The following ST8SIA6 variants were observed in gnomAD, a reference collection of about 807,000 sequenced individuals.
ST8SIA6 encodes the protein ST8 alpha-N-acetyl-neuraminide alpha-2,8-sialyltransferase 6, also known as alpha-2,8-sialyltransferase 8F.
Under a neutral mutation model 33.6 loss-of-function variants are expected in ST8SIA6, and 39 were observed. The observed-to-expected ratio is 1.16, with a 90% confidence interval of 0.90 to 1.52. ST8SIA6 has a LOEUF of 1.52. Ranked by LOEUF, ST8SIA6 falls within the 40% of genes most tolerant of loss-of-function variation. ST8SIA6 has a pLI of 0.00. For missense variants in ST8SIA6, 441 were observed against 443.8 expected, an observed-to-expected ratio of 0.99 and a Z score of 0.06; for synonymous variants, 172 against 167.2, an observed-to-expected ratio of 1.03 and a Z score of -0.22.
intron 2 of ST8SIA6, among the ~76,000 whole-genome samples, chr10:17,413,086 C>T (rs1851503874): frequency 6.6e-6 from 1 of 152,142 alleles, no homozygotes; most frequent in Admixed American, 6.5e-5. Context: ...TCAGTGTTTA[C>T]ACAGTGCTAG....
At chr10:17,448,764 C>T (rs187022816) in intron 2 of ST8SIA6, among the ~76,000 whole-genome samples, 4,033 of 150,920 alleles carry the variant, frequency 0.027, 61 homozygotes, top group South Asian at 0.052. Flanking sequence ...TACAGGTGCC[C>T]GCCACCACGC....
chr10:17,329,843 C>T (rs1025316224), intron 5 of ST8SIA6, among the ~76,000 whole-genome samples: 1 of 152,210 alleles, frequency 6.6e-6, no homozygotes, highest in African/African-American at 2.4e-5. Context: ...ACTGCCTGCT[C>T]ATTGCCCACT....
chr10:17,393,561 G>C (rs569923771), intron 2 of ST8SIA6, among the ~76,000 whole-genome samples: 1 of 152,262 alleles, frequency 6.6e-6, no homozygotes, highest in South Asian at 2.1e-4. Context: ...ATTGCAACGT[G>C]GGAGTCAGAA....
chr10:17,381,546 A>C (rs2131644625), intron 3 of ST8SIA6, among the ~76,000 whole-genome samples: 1 of 152,386 alleles, frequency 6.6e-6, no homozygotes, highest in African/African-American at 2.4e-5. Context: ...ATATAACTTA[A>C]GTAAAATCTT....
intron 2 of ST8SIA6, among the ~76,000 whole-genome samples, chr10:17,448,224 A>G (rs1324073901): frequency 6.6e-6 from 1 of 152,222 alleles, no homozygotes; most frequent in African/African-American, 2.4e-5. Flanking sequence ...GCGAACCTCT[A>G]TAGGAAAACA....
intron 3 of ST8SIA6, among the ~76,000 whole-genome samples, chr10:17,372,261 G>T (rs1260628611): frequency 6.6e-6 from 1 of 152,202 alleles, no homozygotes; most frequent in Non-Finnish European, 1.5e-5. Context: ...ATGGACGCTT[G>T]TGTAAAATAA....
chr10:17,404,201 C>G (rs12267867), intron 2 of ST8SIA6, among the ~76,000 whole-genome samples: 3,137 of 151,892 alleles, frequency 0.021, 70 homozygotes, highest in East Asian at 0.078. Context: ...ATTGAACATA[C>G]AGGTTAGATA....
intron 2 of ST8SIA6, among the ~76,000 whole-genome samples, chr10:17,439,383 G>A (rs952540898): frequency 6.6e-6 from 1 of 150,522 alleles, no homozygotes; most frequent in Admixed American, 6.7e-5. Flanking sequence ...ATGTTCAAGT[G>A]ATTCTTGTGC....
In ST8SIA6 at chr10:17,405,757, C is replaced by T. The variant is rs1393601073; in HGVS notation, c.201-15137G>A. ...CTTAGCCGGGCGTGGTAGTGGGTGCCTGTAGTGCCCCCTACTCAGGAGACT... is the reference window on the plus strand; with the variant it reads ...CTTAGCCGGGCGTGGTAGTGGGTGCTTGTAGTGCCCCCTACTCAGGAGACT... On this transcript the variant is annotated intron_variant, in intron 2 of 7. Transcript: ENST00000377602. Among the ~76,000 whole-genome samples, 12 of 151,590 alleles carry T rather than the reference C, an allele frequency of 7.9e-5. 1 individual carries two copies. Among genetic ancestry groups the T allele is most frequent in the Non-Finnish European group, 1.5e-5 (1 of 67,952 alleles).
At position 17,373,578 on chromosome 10, in the gene ST8SIA6, C is replaced by A. The variant is rs76679497; in HGVS notation, c.291-13978G>T. Among the ~76,000 whole-genome samples the A allele has an allele frequency of 5.8e-3, 876 of 152,228 alleles. 7 individuals carry two copies. Among genetic ancestry groups the A allele is most frequent in the Middle Eastern group, 0.017 (5 of 294 alleles). ...AAGCCCTCCTTTCTACTATTTTAGC[C>A]GTTCGGATGGTCTTTTGGATGACAG... is the stretch of plus-strand genomic sequence containing the variant. On this transcript the variant is annotated intron_variant, in intron 3 of 7. Coordinates refer to ENST00000377602, the MANE Select transcript of ST8SIA6 (RefSeq NM_001004470.3).
chr10:17,347,624 A>G (rs941546423), intron 4 of ST8SIA6, among the ~76,000 whole-genome samples: 2 of 152,168 alleles, frequency 1.3e-5, no homozygotes, highest in Non-Finnish European at 1.5e-5. Context: ...GCCATTTGCA[A>G]TGAGCATAAA....
chr10:17,375,631 G>A lies in ST8SIA6; in HGVS notation c.290+14900C>T, dbSNP rs116886569. ...TAGACACTCACCTATGGCGTAAGCC[G>A]CACTTAGTCTGTGCAAGGCAGATGT... On this transcript the variant is annotated intron_variant, in intron 3 of 7. Coordinates refer to ENST00000377602, the MANE Select transcript of ST8SIA6 (RefSeq NM_001004470.3). Among the ~76,000 whole-genome samples, 12 of 152,332 alleles carry A rather than the reference G, an allele frequency of 7.9e-5. No individual in the cohort carries two copies. The East Asian group carries it at 9.6e-4, about 12-fold the overall frequency.
At chr10:17,338,322 C>T (rs943945715) in intron 4 of ST8SIA6, among the ~76,000 whole-genome samples, 3 of 152,156 alleles carry the variant, frequency 2.0e-5, no homozygotes, top group African/African-American at 7.2e-5. Flanking sequence ...CGTGAGCCAC[C>T]GTGCCCGGCT....
chr10:17,359,842 C>A (rs146887437), intron 3 of ST8SIA6, among the ~76,000 whole-genome samples: 1 of 151,914 alleles, frequency 6.6e-6, no homozygotes, highest in African/African-American at 2.4e-5. Context: ...TATTAAAAAC[C>A]GTGACAACAC....
At chr10:17,329,018 A>G (rs568266672) in intron 5 of ST8SIA6, among the ~76,000 whole-genome samples, 2 of 152,148 alleles carry the variant, frequency 1.3e-5, no homozygotes, top group African/African-American at 2.4e-5. Context: ...CCCAGGGCCG[A>G]TGTGGTTCTG....
Position 17,321,122 on chromosome 10 carries a change from G to A in ST8SIA6, c.953C>T (p.Ala318Val), listed in dbSNP as rs758881485. The part of the protein sequence containing the change: ...ALFWRTKGVT[A>V]YRLSTGLMIT... The stretch of plus-strand genomic sequence containing the variant: ...CATCAAGCCGGTGGACAAGCGGTAT[G>A]CAGTCACACCTTTAGTTCTCCAGAA... Residue 318 changes from alanine to valine, a missense_variant, in exon 8 of 8, where the codon GCA (alanine) becomes GTA (valine). By Grantham distance (64) the Ala-to-Val change is moderately conservative. Transcript: ENST00000377602. 16 of 1,613,978 alleles carry A rather than the reference G, an allele frequency of 9.9e-6. No individual in the cohort carries two copies. The East Asian group carries it at 3.6e-4, about 36-fold the overall frequency.
intron 7 of ST8SIA6, among the ~76,000 whole-genome samples, chr10:17,322,508 A>G (rs11254531): frequency 0.022 from 3,295 of 152,320 alleles, 59 homozygotes; most frequent in Middle Eastern, 0.071. Context: ...AACTATTAGC[A>G]CGAACATATT....
intron 4 of ST8SIA6, among the ~76,000 whole-genome samples, chr10:17,349,417 T>C (rs1848959290): frequency 6.6e-6 from 1 of 152,136 alleles, no homozygotes; most frequent in African/African-American, 2.4e-5. Flanking sequence ...AAAAATGATA[T>C]TAAACTGGAA....
intron 3 of ST8SIA6, among the ~76,000 whole-genome samples, chr10:17,387,573 A>G (rs572308084): frequency 9.2e-5 from 14 of 152,086 alleles, no homozygotes; most frequent in South Asian, 4.2e-4. Flanking sequence ...GGCCCAGAAA[A>G]CTAGGATTTT....
Sources: allele counts gnomAD v4.1 joint callset (sites outside exome capture counted in the v4.1 genomes callset), GRCh38; gene constraint gnomAD v4.1.1; transcripts MANE v1.5; gene names NCBI Gene and HGNC (gene_info 2026-07-23, HGNC 2026-07-21).